Variants in ZNRF3 observed in about 807,000 individuals in gnomAD.
The protein encoded by ZNRF3 is zinc and ring finger 3.
Under a neutral mutation model 72.5 loss-of-function variants are expected in ZNRF3, and 23 were observed. The ratio of observed to expected loss-of-function variants is 0.32; its 90% CI spans 0.23 to 0.45. The LOEUF (loss-of-function observed/expected upper bound fraction) is 0.45. Among genes scored for constraint, ZNRF3 ranks in the 20% least tolerant of loss-of-function variants. The pLI is 1.00. For synonymous variants in ZNRF3, 610 were observed against 545.3 expected (o/e 1.12, Z -1.65); for missense variants, 1,169 against 1,272.1 (o/e 0.92, Z 1.23).
intron 1 of ZNRF3, among the ~76,000 whole-genome samples, chr22:28,953,069 C>A (rs1046659144): frequency 5.3e-5 from 8 of 152,196 alleles, no homozygotes; most frequent in African/African-American, 1.9e-4. Flanking sequence ...TCCCTACTTA[C>A]TTGCAGGAGG....
chr22:28,923,372 T>TG (rs2034541747), intron 1 of ZNRF3, among the ~76,000 whole-genome samples: 1 of 152,108 alleles, frequency 6.6e-6, no homozygotes, highest in African/African-American at 2.4e-5. Context: ...GAAGCTCCAG[T>TG]GAGTGTCCTG....
At chr22:29,052,738 C>T (rs1462982466) in intron 8 of ZNRF3, among the ~76,000 whole-genome samples, 1 of 151,472 alleles carries the variant, frequency 6.6e-6, no homozygotes, top group African/African-American at 2.4e-5. Context: ...CTTTGGAAGG[C>T]CAAGGCAGGA....
chr22:28,974,222 A>T (rs2035629333), intron 1 of ZNRF3, among the ~76,000 whole-genome samples: 1 of 152,090 alleles, frequency 6.6e-6, no homozygotes, highest in Admixed American at 6.5e-5. Flanking sequence ...CGGACTCCCA[A>T]AGTGCTGGGA....
intron 2 of ZNRF3, among the ~76,000 whole-genome samples, chr22:29,022,617 C>T (rs1202029497): frequency 6.6e-6 from 1 of 152,214 alleles, no homozygotes; most frequent in Non-Finnish European, 1.5e-5. Context: ...ACAACCCTGA[C>T]TTTTGTCAGC....
At chr22:28,956,512 A>G (rs2123799709) in intron 1 of ZNRF3, among the ~76,000 whole-genome samples, 1 of 152,042 alleles carries the variant, frequency 6.6e-6, no homozygotes, top group South Asian at 2.1e-4. Flanking sequence ...TGGAGAAGCT[A>G]GTTTTGCCTT....
intron 1 of ZNRF3, among the ~76,000 whole-genome samples, chr22:28,929,153 A>G (rs1003588417): frequency 6.6e-6 from 1 of 152,240 alleles, no homozygotes; most frequent in African/African-American, 2.4e-5. Context: ...GAGTTTTATT[A>G]AGAATACCAG....
chr22:28,987,935 C>A (rs566575096), intron 2 of ZNRF3, among the ~76,000 whole-genome samples: 3 of 152,134 alleles, frequency 2.0e-5, no homozygotes, highest in African/African-American at 4.8e-5. Flanking sequence ...CCTCAATAAA[C>A]GTTTGCTGCC....
At chr22:29,004,829 G>A (rs534846473) in intron 2 of ZNRF3, among the ~76,000 whole-genome samples, 1 of 152,282 alleles carries the variant, frequency 6.6e-6, no homozygotes, top group Admixed American at 6.5e-5. Flanking sequence ...CCAAAGGCCC[G>A]ACTCTACTGA....
chr22:28,979,936 TTA>T (rs767003257), intron 1 of ZNRF3, among the ~76,000 whole-genome samples: 18 of 152,178 alleles, frequency 1.2e-4, no homozygotes, highest in Non-Finnish European at 2.4e-4. Flanking sequence ...GGGGTGATAT[TTA>T]AGTTGGTCTT....
At chr22:28,989,147 A>G (rs1474907143) in intron 2 of ZNRF3, among the ~76,000 whole-genome samples, 1 of 152,186 alleles carries the variant, frequency 6.6e-6, no homozygotes. Context: ...ATGTGGTTCT[A>G]CCTGCTTGCA....
At chr22:28,992,769 A>T (rs2035979551) in intron 2 of ZNRF3, 1 of 152,260 alleles carries the variant, frequency 6.6e-6, no homozygotes, top group African/African-American at 2.4e-5. Flanking sequence ...ATCCTGAGTC[A>T]TTCAGAGAAG....
intron 2 of ZNRF3, among the ~76,000 whole-genome samples, chr22:29,008,236 C>T (rs377340091): frequency 8.2e-4 from 125 of 152,236 alleles, no homozygotes; most frequent in African/African-American, 2.8e-3. Context: ...GTAGAAGATC[C>T]TGAATAGTTC....
At chr22:28,937,197 ATATATATATATATATATATTTT>A (rs1476484548) in intron 1 of ZNRF3, among the ~76,000 whole-genome samples, 1 of 47,028 alleles carries the variant, frequency 2.1e-5, no homozygotes, top group African/African-American at 1.7e-4. Flanking sequence ...ATATATATAT[ATATATATATATATATATATTTT>A]TTTTTTTTTT....
chr22:28,964,789 G>A (rs1007784578), intron 1 of ZNRF3, among the ~76,000 whole-genome samples: 4 of 152,258 alleles, frequency 2.6e-5, no homozygotes, highest in African/African-American at 9.6e-5. Flanking sequence ...CGCAGCTCAC[G>A]CTGCGGTCAT....
chr22:28,954,558 G>GA (rs1425716410), intron 1 of ZNRF3, among the ~76,000 whole-genome samples: 1 of 152,160 alleles, frequency 6.6e-6, no homozygotes, highest in Non-Finnish European at 1.5e-5. Context: ...CTTTAAAAGT[G>GA]ACAGTTTTTA....
intron 2 of ZNRF3, among the ~76,000 whole-genome samples, chr22:29,003,245 A>ATG (rs2036182279): frequency 6.6e-6 from 1 of 152,166 alleles, no homozygotes; most frequent in Non-Finnish European, 1.5e-5. Flanking sequence ...GGCTGGGCGC[A>ATG]GTGGCTCATG....
At chr22:29,036,803 A>G (rs571237556) in intron 2 of ZNRF3, among the ~76,000 whole-genome samples, 63 of 152,352 alleles carry the variant, frequency 4.1e-4, no homozygotes, top group African/African-American at 1.5e-3. Flanking sequence ...AAATACATGT[A>G]TAGTGTGTAG....
At chr22:28,987,321 G>A (rs1027729013) in intron 2 of ZNRF3, 120 bp downstream of exon 2, 17 of 1,438,432 alleles carry the variant, frequency 1.2e-5, no homozygotes, top group South Asian at 7.3e-5. Context: ...GCTCCTTCCC[G>A]GCTGAAGTTG....
At chr22:28,985,617 A>T (rs1173489210) in intron 1 of ZNRF3, among the ~76,000 whole-genome samples, 1 of 152,202 alleles carries the variant, frequency 6.6e-6, no homozygotes, top group Non-Finnish European at 1.5e-5. Flanking sequence ...AAGATAAAGT[A>T]AGCAAGTGGT....
Sources: gnomAD v4.1 joint callset for allele counts (sites outside exome capture counted in the v4.1 genomes callset) on GRCh38, gnomAD v4.1.1 for gene constraint, MANE v1.5 for transcripts, NCBI Gene and HGNC (gene_info 2026-07-23, HGNC 2026-07-21) for gene names.